The following DENND5B variants were observed in gnomAD, a reference collection of about 807,000 sequenced individuals.
DENND5B encodes DENN domain-containing protein 5B.
DENND5B carries 34 observed loss-of-function variants against 140.6 expected under a neutral mutation model. That is an observed-to-expected ratio of 0.24 (90% CI 0.18 to 0.32). The LOEUF is 0.32. DENND5B is among the 10% of genes least tolerant of loss of function. DENND5B has a pLI of 1.00. For missense variants in DENND5B, 1,142 were observed against 1,560.2 expected, an observed-to-expected ratio of 0.73 and a Z score of 4.52; for synonymous variants, 551 against 562.1, an observed-to-expected ratio of 0.98 and a Z score of 0.28.
intron 7 of DENND5B, among the ~76,000 whole-genome samples, chr12:31,442,240 G>C (rs1181613559): frequency 6.6e-6 from 1 of 152,126 alleles, no homozygotes; most frequent in Non-Finnish European, 1.5e-5. Context: ...GGTGTGACAG[G>C]CTGTTGCTAA....
intron 20 of DENND5B, among the ~76,000 whole-genome samples, chr12:31,388,898 T>C (rs1429202847): frequency 6.6e-6 from 1 of 152,210 alleles, no homozygotes; most frequent in African/African-American, 2.4e-5. Context: ...ACAACTTCCT[T>C]ATTACCTATC....
intron 3 of DENND5B, among the ~76,000 whole-genome samples, chr12:31,472,619 C>T (rs547463943): frequency 2.8e-4 from 43 of 152,064 alleles, no homozygotes; most frequent in African/African-American, 8.9e-4. Context: ...TATAGCACTA[C>T]CAAAGGTTGC....
chr12:31,521,313 C>A (rs994020951), intron 1 of DENND5B, among the ~76,000 whole-genome samples: 1 of 147,654 alleles, frequency 6.8e-6, no homozygotes, highest in African/African-American at 2.5e-5. Context: ...TACAAAAAAA[C>A]TTTTTTTTTT....
intron 3 of DENND5B, among the ~76,000 whole-genome samples, chr12:31,461,767 G>C (rs557685531): frequency 5.7e-4 from 87 of 152,242 alleles, no homozygotes; most frequent in Non-Finnish European, 1.1e-3. Context: ...GTAGAATTGA[G>C]GATAATGGAT....
In DENND5B at chr12:31,382,764, C is replaced by CT. The variant is rs997835570; in HGVS notation, c.*4838dup. On this transcript the variant is annotated 3_prime_UTR_variant, in exon 21 of 21. Coordinates refer to ENST00000389082, the MANE Select transcript of DENND5B (RefSeq NM_144973.4). ...GATGTGATATATCTCTGAAGTCAAT[C>CT]TTTATCTTGTCCTTGAGAGGGTGAA... 3 of 151,332 alleles carry CT rather than the reference C, an allele frequency of 2.0e-5. No individual in the cohort carries two copies. Among genetic ancestry groups the CT allele is most frequent in the African/African-American group, 7.3e-5 (3 of 41,144 alleles). The allele number at this position is 151,332 out of a possible 1,614,324, so 9.4% of individuals were successfully genotyped here. A position where few individuals can be genotyped will look rare whatever the true frequency, so the allele number is the denominator to read the frequency against.
intron 1 of DENND5B, among the ~76,000 whole-genome samples, chr12:31,523,482 A>C (rs546404121): frequency 6.6e-6 from 1 of 152,304 alleles, no homozygotes; most frequent in East Asian, 1.9e-4. Context: ...CCTAAGTGTA[A>C]GGCAACATAT....
At chr12:31,539,801 C>T (rs191997669) in intron 1 of DENND5B, among the ~76,000 whole-genome samples, 66 of 152,074 alleles carry the variant, frequency 4.3e-4, no homozygotes, top group African/African-American at 1.6e-3. Flanking sequence ...AAAAACCTTT[C>T]CTCTGAGATC....
chr12:31,444,977 A>T (rs1438033606), intron 6 of DENND5B, among the ~76,000 whole-genome samples: 1 of 152,202 alleles, frequency 6.6e-6, no homozygotes, highest in Non-Finnish European at 1.5e-5. Flanking sequence ...CAGCATCATC[A>T]TTCCTGACTT....
rs149406838 is a variant in DENND5B at position 31,537,472 on chromosome 12, C to T, written c.128-41553G>A. On this transcript the variant is annotated intron_variant, in intron 1 of 20. Coordinates refer to ENST00000389082, the MANE Select transcript of DENND5B (RefSeq NM_144973.4). ...CTAATCAAAAAACATACAACAGATA[C>T]GCTGAAAATAAAAAATAAGAAATTA... Among the ~76,000 whole-genome samples the T allele has an allele frequency of 4.9e-4, 75 of 151,796 alleles. 2 individuals are homozygous for T. In the East Asian group the frequency reaches 6.2e-3, roughly 13 times the overall value.
intron 17 of DENND5B, among the ~76,000 whole-genome samples, chr12:31,396,774 C>T (rs972943731): frequency 2.0e-5 from 3 of 152,134 alleles, no homozygotes; most frequent in East Asian, 1.9e-4. Context: ...AGGCATGCAC[C>T]ACATGCCTGG....
chr12:31,486,630 A>C (rs1479125121), intron 2 of DENND5B, among the ~76,000 whole-genome samples: 2 of 152,260 alleles, frequency 1.3e-5, no homozygotes, highest in East Asian at 3.9e-4. Flanking sequence ...TCAACTACTT[A>C]TTATTTGGTT....
At chr12:31,590,181 G>GC (rs1392221488) in intron 1 of DENND5B, 2 of 152,258 alleles carry the variant, frequency 1.3e-5, no homozygotes, top group Non-Finnish European at 2.9e-5. Context: ...ACCGGTCCCC[G>GC]CCCCGCGCTC....
At position 31,495,939 on chromosome 12, in the gene DENND5B, G is replaced by A; in HGVS notation, c.128-20C>T. ...TTTCGCCTACAACAAATAATACATA[G>A]TTAATATCTAGAACTTTTCCAAAAG... On this transcript the variant is annotated intron_variant, in intron 1 of 20. Coordinates refer to ENST00000389082, the MANE Select transcript of DENND5B (RefSeq NM_144973.4). 1 of 1,528,684 alleles carries A rather than the reference G, an allele frequency of 6.5e-7. No homozygotes were observed. The highest frequency in any genetic ancestry group is 2.0e-5 in the Admixed American group (1 of 51,262). The allele number at this position is 1,528,684 out of a possible 1,614,324, so 94.7% of individuals were successfully genotyped here.
At chr12:31,537,309 TAGAA>T (rs1473707853) in intron 1 of DENND5B, among the ~76,000 whole-genome samples, 2 of 152,198 alleles carry the variant, frequency 1.3e-5, no homozygotes, top group East Asian at 1.9e-4. Context: ...AACAAAAAGT[TAGAA>T]AGCAGGGGGA....
intron 7 of DENND5B, 123 bp downstream of exon 7, chr12:31,442,652 T>C: frequency 5.3e-6 from 5 of 945,854 alleles, no homozygotes; most frequent in Non-Finnish European, 7.3e-6. Context: ...AATGCATTAA[T>C]GTGGTCATGA....
At chr12:31,509,772 T>C (rs1947338860) in intron 1 of DENND5B, among the ~76,000 whole-genome samples, 1 of 152,070 alleles carries the variant, frequency 6.6e-6, no homozygotes, top group South Asian at 2.1e-4. Context: ...AAGAATAAAG[T>C]GAGGAAAGCC....
intron 1 of DENND5B, among the ~76,000 whole-genome samples, chr12:31,523,494 T>C (rs935355300): frequency 2.6e-5 from 4 of 152,076 alleles, no homozygotes; most frequent in African/African-American, 9.7e-5. Context: ...GCAACATATC[T>C]CTCATACCAT....
At chr12:31,390,941 A>G (rs1335798475) in intron 19 of DENND5B, among the ~76,000 whole-genome samples, 2 of 152,068 alleles carry the variant, frequency 1.3e-5, no homozygotes, top group African/African-American at 4.8e-5. Flanking sequence ...GCTTGAACCC[A>G]GGAGGCAGAG....
intron 1 of DENND5B, among the ~76,000 whole-genome samples, chr12:31,528,545 G>A (rs1340388538): frequency 6.6e-6 from 1 of 152,186 alleles, no homozygotes; most frequent in Non-Finnish European, 1.5e-5. Context: ...CGGAGATAGT[G>A]AGATGTATTT....
Sources: allele counts gnomAD v4.1 joint callset (sites outside exome capture counted in the v4.1 genomes callset), GRCh38; gene constraint gnomAD v4.1.1; transcripts MANE v1.5; gene names NCBI Gene and HGNC (gene_info 2026-07-23, HGNC 2026-07-21).